Variants in PRKG1 observed in about 807,000 individuals in gnomAD.
PRKG1 encodes the protein cGMP-dependent protein kinase 1.
Under a neutral mutation model 88.1 loss-of-function variants are expected in PRKG1, and 35 were observed. The ratio of observed to expected loss-of-function variants is 0.40; its 90% CI spans 0.30 to 0.53. PRKG1 has a LOEUF of 0.53. PRKG1 is among the 20% of genes least tolerant of loss of function. The pLI, the probability that PRKG1 is intolerant of heterozygous loss-of-function variation, is 0.59. For missense variants in PRKG1, 540 were observed against 839.8 expected (o/e 0.64, Z 4.41); for synonymous variants, 303 against 292.5 (o/e 1.04, Z -0.37).
intron 1 of PRKG1, among the ~76,000 whole-genome samples, chr10:51,015,606 G>A (rs1843047500): frequency 6.6e-6 from 1 of 152,224 alleles, no homozygotes; most frequent in East Asian, 1.9e-4. Context: ...CATAGAGGAG[G>A]CTGGGCTTGG....
intron 2 of PRKG1, among the ~76,000 whole-genome samples, chr10:51,437,282 A>G (rs1487709761): frequency 6.6e-6 from 1 of 152,036 alleles, no homozygotes; most frequent in East Asian, 1.9e-4. Flanking sequence ...GAACTAGACT[A>G]TTCTGAGCCT....
chr10:52,268,178 A>T (rs966331058), intron 10 of PRKG1, among the ~76,000 whole-genome samples: 6 of 152,140 alleles, frequency 3.9e-5, no homozygotes, highest in African/African-American at 1.4e-4. Context: ...AAGAAGGAAG[A>T]TGATTCTAGA....
chr10:51,366,913 T>C (rs1416264947), intron 2 of PRKG1, among the ~76,000 whole-genome samples: 2 of 151,874 alleles, frequency 1.3e-5, no homozygotes, highest in African/African-American at 4.8e-5. Flanking sequence ...TTCCGACCCC[T>C]CCGACCCCCT....
chr10:52,178,281 T>C (rs1356626180), intron 9 of PRKG1, among the ~76,000 whole-genome samples: 1 of 152,130 alleles, frequency 6.6e-6, no homozygotes, highest in African/African-American at 2.4e-5. Flanking sequence ...TTCAGTAGGA[T>C]GTGGTTTAAT....
chr10:51,417,139 T>A lies in PRKG1; in HGVS notation c.479-50584T>A, dbSNP rs1457759163. On this transcript the variant is annotated intron_variant, in intron 2 of 17. Transcript: ENST00000373980. ...TTTCAATAATCTTGTTTCTGTTTAA[T>A]TATTATCACCAACAAGAAACCAATA... is the stretch of plus-strand genomic sequence containing the variant. Among the ~76,000 whole-genome samples the A allele has an allele frequency of 2.0e-5, 3 of 152,330 alleles. No homozygotes were observed. The East Asian group carries it at 5.8e-4, about 29-fold the overall frequency.
At chr10:51,383,747 AC>A (rs1837177487) in intron 2 of PRKG1, among the ~76,000 whole-genome samples, 1 of 151,970 alleles carries the variant, frequency 6.6e-6, no homozygotes, top group Non-Finnish European at 1.5e-5. Context: ...TGATTTTTGG[AC>A]CTCACATGTT....
chr10:51,349,794 A>G (rs938610862), intron 2 of PRKG1, among the ~76,000 whole-genome samples: 35 of 152,240 alleles, frequency 2.3e-4, no homozygotes, highest in African/African-American at 6.0e-4. Context: ...GATGTGAACC[A>G]CATACAGATA....
rs115181028 is a variant in PRKG1 at position 51,146,883 on chromosome 10, C to T, written c.312-6281C>T. ...AGCACTAGTCACAATAGCCAAGATA[C>T]GGAATCAATCTAAATGTCCATCAAC... On this transcript the variant is annotated intron_variant, in intron 1 of 17. Transcript: ENST00000373980. Among the ~76,000 whole-genome samples the T allele has an allele frequency of 6.2e-3, 944 of 152,034 alleles. 11 individuals are homozygous for T. Among genetic ancestry groups the T allele is most frequent in the African/African-American group, 0.02 (831 of 41,472 alleles).
At chr10:51,697,248 G>C (rs1841319170) in intron 3 of PRKG1, 1 of 156,300 alleles carries the variant, frequency 6.4e-6, no homozygotes, top group Non-Finnish European at 1.4e-5. Context: ...ACCAAAAAAT[G>C]TATCTTATAC....
intron 9 of PRKG1, among the ~76,000 whole-genome samples, chr10:52,182,538 G>T: frequency 9.3e-6 from 1 of 107,172 alleles, no homozygotes; most frequent in South Asian, 3.2e-4. Flanking sequence ...GTAATGCCTA[G>T]GTTTTCTTCT....
intron 3 of PRKG1, among the ~76,000 whole-genome samples, chr10:51,675,287 A>T (rs1840681743): frequency 6.6e-6 from 1 of 152,212 alleles, no homozygotes; most frequent in African/African-American, 2.4e-5. Flanking sequence ...AATGCTTTTG[A>T]GTTGATACAC....
chr10:51,338,228 G>A (rs888962793), intron 2 of PRKG1, among the ~76,000 whole-genome samples: 8 of 152,252 alleles, frequency 5.3e-5, no homozygotes, highest in African/African-American at 1.7e-4. Context: ...TGGGTAAGGG[G>A]AGGGAGAGCA....
chr10:52,148,957 C>CTTTTTTTT lies in PRKG1; in HGVS notation c.1002-12913_1002-12906dup, dbSNP rs71904885. Among the ~76,000 whole-genome samples the CTTTTTTTT allele has an allele frequency of 1.5e-4, 8 of 55,160 alleles. No individual in the cohort carries two copies. The East Asian group carries it at 4.1e-3, about 28-fold the overall frequency. 36.2% of individuals were successfully genotyped at this position (55,160 alleles called of 152,430 possible). A position where few individuals can be genotyped will look rare whatever the true frequency, so the allele number is the denominator to read the frequency against. On this transcript the variant is annotated intron_variant, in intron 8 of 17. Transcript: ENST00000373980. ...TATTTGACCACAGAGGATAGTTTTG[C>CTTTTTTTT]TTTTTTTTTTTTTTTTTTTTTTTTT...
At chr10:51,060,272 C>A (rs1420441152) in intron 1 of PRKG1, among the ~76,000 whole-genome samples, 3 of 151,946 alleles carry the variant, frequency 2.0e-5, no homozygotes, top group African/African-American at 7.2e-5. Flanking sequence ...CTGGAGTAAT[C>A]TGTTTAGTTT....
At chr10:51,594,474 T>A (rs933353117) in intron 3 of PRKG1, among the ~76,000 whole-genome samples, 2 of 152,236 alleles carry the variant, frequency 1.3e-5, no homozygotes, top group Non-Finnish European at 2.9e-5. Context: ...CAATATGTTG[T>A]CTCATATTAC....
chr10:51,013,554 C>T (rs1312800077), intron 1 of PRKG1, among the ~76,000 whole-genome samples: 1 of 152,064 alleles, frequency 6.6e-6, no homozygotes, highest in Non-Finnish European at 1.5e-5. Flanking sequence ...CCACACCTGG[C>T]TAAGTTTTTG....
chr10:52,185,634 G>A (rs1035056817), intron 9 of PRKG1, among the ~76,000 whole-genome samples: 1 of 152,154 alleles, frequency 6.6e-6, no homozygotes, highest in African/African-American at 2.4e-5. Context: ...TGCCCCTATA[G>A]AAGTTATCTG....
chr10:51,987,779 T>C (rs1371381281), intron 5 of PRKG1, among the ~76,000 whole-genome samples: 1 of 152,092 alleles, frequency 6.6e-6, no homozygotes, highest in Admixed American at 6.6e-5. Context: ...TGTTTATTTG[T>C]GTACATTTAT....
chr10:52,088,628 C>T (rs922437648), intron 7 of PRKG1, among the ~76,000 whole-genome samples: 2 of 152,138 alleles, frequency 1.3e-5, no homozygotes, highest in African/African-American at 4.8e-5. Context: ...AACAGGGTGC[C>T]ATCTTGGAAG....
Sources: gnomAD v4.1 joint callset for allele counts (sites outside exome capture counted in the v4.1 genomes callset) on GRCh38, gnomAD v4.1.1 for gene constraint, MANE v1.5 for transcripts, NCBI Gene and HGNC (gene_info 2026-07-23, HGNC 2026-07-21) for gene names.